NEB: variants seen among roughly 807,000 people sequenced by gnomAD.
NEB encodes the protein nebulin.
A neutral mutation model predicts 952.2 loss-of-function variants in NEB; 512 were observed. The observed-to-expected ratio is 0.54, with a 90% CI of 0.50 to 0.58. The LOEUF (loss-of-function observed/expected upper bound fraction) is 0.58, where lower values mean the gene tolerates loss of function less well. NEB is among the 20% of genes least tolerant of loss of function. NEB has a pLI of 0.00. For missense variants in NEB, 8,428 were observed against 9,231.1 expected (o/e 0.91, Z 3.56); for synonymous variants, 2,900 against 3,149.8 (o/e 0.92, Z 2.66).
intron 9 of NEB, among the ~76,000 whole-genome samples, chr2:151,718,584 C>T (rs1383076856): frequency 1.3e-5 from 2 of 152,154 alleles, no homozygotes; most frequent in Non-Finnish European, 1.5e-5. Flanking sequence ...TTCATCCCTG[C>T]GTCTCCCACC....
intron 181 of NEB, among the ~76,000 whole-genome samples, chr2:151,488,516 T>C (rs1345101678): frequency 6.6e-6 from 1 of 151,000 alleles, no homozygotes; most frequent in Non-Finnish European, 1.5e-5. Context: ...GAATGGCATA[T>C]ACACCTGTAG....
At chr2:151,509,960 C>T (rs1353590132) in intron 161 of NEB, among the ~76,000 whole-genome samples, 1 of 152,192 alleles carries the variant, frequency 6.6e-6, no homozygotes, top group Non-Finnish European at 1.5e-5. Context: ...GAAATTATCA[C>T]CAGGCCAACT....
At chr2:151,643,652 C>T (rs1195664760) in intron 57 of NEB, among the ~76,000 whole-genome samples, 166 bp downstream of exon 57, 2 of 152,154 alleles carry the variant, frequency 1.3e-5, no homozygotes, top group Non-Finnish European at 2.9e-5. Context: ...GCTTTGCTGG[C>T]TCTTTCTTTG....
At chr2:151,577,323 C>G (rs1354244315) in intron 105 of NEB, among the ~76,000 whole-genome samples, 1 of 152,180 alleles carries the variant, frequency 6.6e-6, no homozygotes, top group Non-Finnish European at 1.5e-5. Context: ...CCTGATCACA[C>G]AGCCTGTCTT....
At chr2:151,562,462 C>G (rs978486304) in intron 120 of NEB, 149 bp downstream of exon 120, 2 of 784,116 alleles carry the variant, frequency 2.6e-6, no homozygotes, top group Admixed American at 2.9e-5. Flanking sequence ...GATTCTTATA[C>G]CAAAAAGTGG....
chr2:151,673,453 A>T (rs559010148), intron 36 of NEB, among the ~76,000 whole-genome samples: 2 of 152,044 alleles, frequency 1.3e-5, no homozygotes, highest in East Asian at 1.9e-4. Flanking sequence ...AAAAAAAGAA[A>T]AAAAAAGAAT....
Position 151,496,256 on chromosome 2 carries a change from TTTC to T in NEB, c.24486+17_24486+19del, listed in dbSNP as rs1314765000. On this transcript the variant is annotated intron_variant, in intron 173 of 181. Transcript: ENST00000397345. ...GTTTTTAAAATCAGTAAGTAGTTTT[TTTC>T]TTTTCTCGCCAAGTACCGAGCTAAT... 2.5e-6 allele frequency: 4 copies of T among 1,568,732 alleles called. No individual in the cohort carries two copies. The highest frequency in any genetic ancestry group is 3.5e-6 in the Non-Finnish European group (4 of 1,146,786).
chr2:151,618,191 T>C, intron 74 of NEB, 84 bp downstream of exon 74: 1 of 1,234,248 alleles, frequency 8.1e-7, no homozygotes, highest in Admixed American at 1.8e-5. Flanking sequence ...CTTATTATTA[T>C]CTTTAAAATG....
In NEB at chr2:151,666,307, A is replaced by T; in HGVS notation, c.4814T>A (p.Val1605Glu). The T allele has an allele frequency of 6.2e-7, 1 of 1,613,926 alleles. No individual in the cohort carries two copies. Among genetic ancestry groups the T allele is most frequent in the Non-Finnish European group, 8.5e-7 (1 of 1,179,852 alleles). Residue 1605 changes from valine to glutamate, a missense_variant, in exon 41 of 182, where the codon GTG (valine) becomes GAG (glutamate). Physicochemically the swap from Val to Glu is moderately radical, Grantham distance 121. Coordinates refer to ENST00000397345, the MANE Select transcript of NEB (RefSeq NM_001164508.2). ...DDPKLVHYMN[V>E]AKIQSDREYK... ...CTCACGATCAGACTGGATTTTGGCCACATTCATGTAGTGAACCAGTTTAGG... is the reference window on the plus strand; with the variant it reads ...CTCACGATCAGACTGGATTTTGGCCTCATTCATGTAGTGAACCAGTTTAGG...
At chr2:151,567,001 T>A (rs2096433105) in intron 114 of NEB, among the ~76,000 whole-genome samples, 167 bp downstream of exon 114, 1 of 152,192 alleles carries the variant, frequency 6.6e-6, no homozygotes, top group Non-Finnish European at 1.5e-5. Flanking sequence ...AACCAATCAA[T>A]CCATCACTGC....
chr2:151,505,884 G>C lies in NEB; in HGVS notation c.23649+282C>G, dbSNP rs3815852. On this transcript the variant is annotated intron_variant, in intron 164 of 181. Coordinates refer to ENST00000397345, the MANE Select transcript of NEB (RefSeq NM_001164508.2). ...GTCGTTTGACTAGGATAAACAGATTGACATACATATATCCAGGAAGGTTGG... is the reference window on the plus strand; with the variant it reads ...GTCGTTTGACTAGGATAAACAGATTCACATACATATATCCAGGAAGGTTGG... 333,931 of 536,880 alleles carry C rather than the reference G, an allele frequency of 0.62. 107,205 individuals are homozygous for C. Among genetic ancestry groups the C allele is most frequent in the East Asian group, 0.79 (25,087 of 31,592 alleles). The allele number at this position is 536,880 out of a possible 1,614,324, so 33.3% of individuals were successfully genotyped here.
At chr2:151,731,120 A>C (rs1165622870) in intron 3 of NEB, among the ~76,000 whole-genome samples, 1 of 152,202 alleles carries the variant, frequency 6.6e-6, no homozygotes, top group Non-Finnish European at 1.5e-5. Context: ...ATTCACAACT[A>C]TTTTGGATTT....
intron 179 of NEB, among the ~76,000 whole-genome samples, chr2:151,490,774 G>A (rs1390727726): frequency 6.6e-6 from 1 of 152,124 alleles, no homozygotes; most frequent in East Asian, 1.9e-4. Flanking sequence ...GAGTCTATTT[G>A]TAACATCTCC....
Position 151,491,674 on chromosome 2 carries a change from C to G in NEB, c.25150+9G>C. 6.4e-7 allele frequency: 1 copy of G among 1,572,486 alleles called. No homozygotes were observed. ...TGTTTATGTTGTAAGCCTTTTTCAG[C>G]TAACACACCATTAATCATGTGTAAG... is the stretch of plus-strand genomic sequence containing the variant. On this transcript the variant is annotated intron_variant, in intron 179 of 181. Coordinates refer to ENST00000397345, the MANE Select transcript of NEB (RefSeq NM_001164508.2).
chr2:151,505,414 G>T, intron 165 of NEB, 64 bp downstream of exon 165: 2 of 1,333,138 alleles, frequency 1.5e-6, no homozygotes, highest in Non-Finnish European at 2.2e-6. Flanking sequence ...AGATGAGAGA[G>T]CACCAGGGTA....
At position 151,644,517 on chromosome 2, in the gene NEB, T is replaced by C; in HGVS notation, c.7595A>G (p.Asp2532Gly). The stretch of plus-strand genomic sequence containing the variant: ...TTTTGCTGCTTTGATTGGTATGGCA[T>C]CAACAGGAAGATCGTAACCTTTTCT... ...LKRKGYDLPV[D>G]AIPIKAAKAS... The change falls in exon 56 of 182, where the codon GAT (aspartate) becomes GGT (glycine). Residue 2532 changes from aspartate (D) to glycine (G), a missense_variant. Asp to Gly is a moderately conservative substitution (Grantham distance 94). Transcript: ENST00000397345. 1 of 1,613,982 alleles carries C rather than the reference T, an allele frequency of 6.2e-7. No homozygotes were observed. Among genetic ancestry groups the C allele is most frequent in the Non-Finnish European group, 8.5e-7 (1 of 1,179,858 alleles).
chr2:151,688,462 A>T, intron 24 of NEB, 66 bp from the exon 25 acceptor site: 8 of 1,232,108 alleles, frequency 6.5e-6, no homozygotes, highest in Non-Finnish European at 9.4e-6. Flanking sequence ...GGCAGCATAT[A>T]TAGCTAAGGC....
At chr2:151,630,961 T>C (rs1176145935) in intron 66 of NEB, 142 bp from the exon 67 acceptor site, 12 of 1,150,544 alleles carry the variant, frequency 1.0e-5, no homozygotes, top group Non-Finnish European at 1.5e-5. Flanking sequence ...GTGTGAGTCT[T>C]ATTACTAGTT....
intron 36 of NEB, among the ~76,000 whole-genome samples, chr2:151,673,226 C>G (rs1204340564): frequency 1.3e-5 from 2 of 152,168 alleles, no homozygotes; most frequent in Non-Finnish European, 2.9e-5. Context: ...TGTCCAAAGT[C>G]TCTCACTGCT....
Sources: allele counts gnomAD v4.1 joint callset (sites outside exome capture counted in the v4.1 genomes callset), GRCh38; gene constraint gnomAD v4.1.1; transcripts MANE v1.5; gene names NCBI Gene and HGNC (gene_info 2026-07-23, HGNC 2026-07-21).